CNTROB: variants seen among roughly 807,000 people sequenced by gnomAD.
The protein encoded by CNTROB is centrobin, centriole duplication and spindle assembly protein.
CNTROB carries 82 observed loss-of-function variants against 115.7 expected under a neutral mutation model. That is an observed-to-expected ratio of 0.71 (90% CI 0.59 to 0.85). CNTROB has a LOEUF of 0.85. Among genes scored for constraint, CNTROB ranks in the 40% least tolerant of loss-of-function variants. CNTROB has a pLI of 0.00. For synonymous variants in CNTROB, 439 were observed against 456.4 expected (o/e 0.96, Z 0.49); for missense variants, 1,014 against 1,144.4 (o/e 0.89, Z 1.64).
rs1449714255 is a variant in CNTROB, at chr17:7,947,937, A to C, written c.2167A>C (p.Asn723His). The change falls in exon 15 of 19, where the codon AAC (asparagine) becomes CAC (histidine). Residue 723 changes from asparagine (N) to histidine (H), a missense_variant. Asn to His is a moderately conservative substitution (Grantham distance 68, BLOSUM62 1). Coordinates refer to ENST00000563694, the MANE Select transcript of CNTROB (RefSeq NM_053051.5). ...ACAGTTGCTGGAGACAGTGCCCCAGAACAATGAGAACCCTTCTGTCGACCT... is the reference window on the plus strand; with the variant it reads ...ACAGTTGCTGGAGACAGTGCCCCAGCACAATGAGAACCCTTCTGTCGACCT... Reference protein sequence around the residue: ...LHQLLETVPQNNENPSVDLLP... With the variant: ...LHQLLETVPQHNENPSVDLLP... 6.2e-7 allele frequency: 1 copy of C among 1,614,040 alleles called. No homozygotes were observed. The highest frequency in any genetic ancestry group is 1.1e-5 in the South Asian group (1 of 91,078).
intron 18 of CNTROB, 25 bp downstream of exon 18, chr17:7,949,182 AG>A: frequency 6.2e-7 from 1 of 1,607,226 alleles, no homozygotes; most frequent in Non-Finnish European, 8.5e-7. Context: ...GGCAGGGACC[AG>A]GGGAGAAAAG....
In CNTROB at chr17:7,939,439, T is replaced by G; in HGVS notation, c.928-74T>G. ...AGCATAATTCTCAGCAGGCACCTTGTATGAGGGTCAGAGGGCAGATCGCTG... is the reference window on the plus strand; with the variant it reads ...AGCATAATTCTCAGCAGGCACCTTGGATGAGGGTCAGAGGGCAGATCGCTG... On this transcript the variant is annotated intron_variant, in intron 7 of 18. Coordinates refer to ENST00000563694, the MANE Select transcript of CNTROB (RefSeq NM_053051.5). The surrounding 1 kb of genome is among the most constrained non-coding windows in gnomAD (Gnocchi z 4.4). The G allele has an allele frequency of 1.6e-6, 2 of 1,235,054 alleles. No homozygotes were observed. The highest frequency in any genetic ancestry group is 1.5e-5 in the African/African-American group (1 of 66,954). 76.5% of individuals were successfully genotyped at this position (1,235,054 alleles called of 1,614,324 possible).
At chr17:7,936,537 A>C (rs997107811) in intron 5 of CNTROB, 55 bp downstream of exon 5, 14 of 822,284 alleles carry the variant, frequency 1.7e-5, no homozygotes, top group Non-Finnish European at 3.1e-5. Flanking sequence ...TTAAGGAATA[A>C]TAAATAAGTG....
At chr17:7,934,897 G>C (rs1405463084) in intron 3 of CNTROB, 92 bp from the exon 4 acceptor site, 2 of 1,414,518 alleles carry the variant, frequency 1.4e-6, no homozygotes. Context: ...CCCTCTCTGG[G>C]TCTCAGTTTC....
rs1240368190 is a variant in CNTROB at position 7,948,280 on chromosome 17, C to T, written c.2333C>T (p.Ser778Phe). 2 of 1,614,176 alleles carry T rather than the reference C, an allele frequency of 1.2e-6. No individual in the cohort carries two copies. Among genetic ancestry groups the T allele is most frequent in the Non-Finnish European group, 8.5e-7 (1 of 1,180,040 alleles). The change falls in exon 16 of 19, where the codon TCC (serine) becomes TTC (phenylalanine). Residue 778 changes from serine to phenylalanine, a missense_variant. Ser to Phe is a radical substitution (Grantham distance 155). Coordinates refer to ENST00000563694, the MANE Select transcript of CNTROB (RefSeq NM_053051.5). The surrounding 1 kb of genome is among the most constrained non-coding windows in gnomAD (Gnocchi z 4.4). ...SSLFRVPEPP[S>F]SHSQGSGPSS... The stretch of plus-strand genomic sequence containing the variant: ...CTTTTCCGGGTCCCTGAGCCTCCCT[C>T]CTCCCATTCACAAGGCAGTGGTCCC...
chr17:7,933,693 C>A (rs543880993), intron 1 of CNTROB, among the ~76,000 whole-genome samples: 68 of 152,260 alleles, frequency 4.5e-4, no homozygotes, highest in Middle Eastern at 3.4e-3. Context: ...ATAGCAGCTC[C>A]GATCCTTCCA....
chr17:7,949,328 TG>T (rs1333227369), intron 18 of CNTROB, 56 bp from the exon 19 acceptor site: 2 of 1,605,798 alleles, frequency 1.2e-6, no homozygotes, highest in African/African-American at 2.7e-5. Context: ...CTCAGTGGGG[TG>T]GGGAATTGAG....
chr17:7,939,387 C>T lies in CNTROB; in HGVS notation c.928-126C>T. 2.4e-6 allele frequency: 2 copies of T among 825,388 alleles called. No individual in the cohort carries two copies. The highest frequency in any genetic ancestry group is 4.0e-6 in the Non-Finnish European group (2 of 503,498). The allele number at this position is 825,388 out of a possible 1,614,324, so 51.1% of individuals were successfully genotyped here. The stretch of plus-strand genomic sequence containing the variant: ...GGGATTACAGGTGTGAGCCACCGCA[C>T]CCGGCCTAATTATTGTGTTTTTAAT... On this transcript the variant is annotated intron_variant, in intron 7 of 18. Coordinates refer to ENST00000563694, the MANE Select transcript of CNTROB (RefSeq NM_053051.5). The surrounding 1 kb of genome is among the most constrained non-coding windows in gnomAD (Gnocchi z 4.4).
At chr17:7,937,334 G>A in intron 7 of CNTROB, 72 bp downstream of exon 7, 1 of 1,571,784 alleles carries the variant, frequency 6.4e-7, no homozygotes, top group Non-Finnish European at 8.7e-7. Context: ...GGCTATTGGT[G>A]GATTGTGGGA....
intron 12 of CNTROB, 126 bp from the exon 13 acceptor site, chr17:7,945,602 T>G: frequency 1.0e-6 from 1 of 970,874 alleles, no homozygotes. Flanking sequence ...CCTCCCAAAG[T>G]GTTGGGATTA....
chr17:7,936,824 G>A lies in CNTROB; in HGVS notation c.828+7G>A, dbSNP rs758606094. On this transcript the variant is annotated splice_region_variant and intron_variant, in intron 6 of 18. Coordinates refer to ENST00000563694, the MANE Select transcript of CNTROB (RefSeq NM_053051.5). ...CAGAAGCAAGCAGCAGGAGGTGAGC[G>A]CCCTGGAGCATATGGCATTAGAACC... 22 of 1,083,516 alleles carry A rather than the reference G, an allele frequency of 2.0e-5. No individual in the cohort carries two copies. The highest frequency in any genetic ancestry group is 1.9e-4 in the East Asian group (8 of 42,508). The allele number at this position is 1,083,516 out of a possible 1,614,324, so 67.1% of individuals were successfully genotyped here.
chr17:7,948,190 C>G lies in CNTROB; in HGVS notation c.2243C>G (p.Pro748Arg). ...ACTGTCCCATCTTGGGAGGAAGCCCCTCAAGTGCCACGTATTCCACCGCCT... is the reference window on the plus strand; with the variant it reads ...ACTGTCCCATCTTGGGAGGAAGCCCGTCAAGTGCCACGTATTCCACCGCCT... ...PLTVPSWEEA[P>R]QVPRIPPPVH... Residue 748 changes from proline (P) to arginine (R), a missense_variant, in exon 16 of 19, where the codon CCT (proline) becomes CGT (arginine). By Grantham distance (103) the Pro-to-Arg change is moderately radical. Transcript: ENST00000563694. This position sits in a 1 kb window ranked among gnomAD's most constrained non-coding sequence, Gnocchi z 4.4. The G allele has an allele frequency of 6.2e-7, 1 of 1,614,110 alleles. No homozygotes were observed. Among genetic ancestry groups the G allele is most frequent in the Non-Finnish European group, 8.5e-7 (1 of 1,180,038 alleles).
At chr17:7,933,614 G>C (rs1972788752) in intron 1 of CNTROB, among the ~76,000 whole-genome samples, 1 of 152,194 alleles carries the variant, frequency 6.6e-6, no homozygotes, top group Non-Finnish European at 1.5e-5. Context: ...GGGTAGGTTG[G>C]TGAGCTATTT....
In CNTROB at chr17:7,937,164, A is replaced by G; in HGVS notation, c.829A>G (p.Thr277Ala). Residue 277 changes from threonine to alanine, a missense_variant and splice_region_variant, in exon 7 of 19, where the codon ACA (threonine) becomes GCA (alanine). Thr to Ala is a moderately conservative substitution (Grantham distance 58). Coordinates refer to ENST00000563694, the MANE Select transcript of CNTROB (RefSeq NM_053051.5). ...AELTRSKQQE[T>A]VTRLEQSLSE... ...CCCTGTATTCCTCTCTTCCTGAAAGACAGTAACCCGCCTGGAACAAAGCCT... is the reference window on the plus strand; with the variant it reads ...CCCTGTATTCCTCTCTTCCTGAAAGGCAGTAACCCGCCTGGAACAAAGCCT... 1 of 1,614,180 alleles carries G rather than the reference A, an allele frequency of 6.2e-7. No individual in the cohort carries two copies. Among genetic ancestry groups the G allele is most frequent in the African/African-American group, 1.3e-5 (1 of 75,056 alleles).
chr17:7,941,421 G>A (rs914819618), intron 9 of CNTROB, among the ~76,000 whole-genome samples: 10 of 151,818 alleles, frequency 6.6e-5, no homozygotes, highest in African/African-American at 2.2e-4. Flanking sequence ...CCAACATGGT[G>A]AAACCCTGTC....
At chr17:7,949,053 C>T in intron 17 of CNTROB, 32 bp from the exon 18 acceptor site, 1 of 1,613,392 alleles carries the variant, frequency 6.2e-7, no homozygotes, top group Non-Finnish European at 8.5e-7. Context: ...GGACGGAGAT[C>T]CCCATCCTCA....
intron 18 of CNTROB, 77 bp downstream of exon 18, chr17:7,949,234 G>A (rs543843976): frequency 6.4e-7 from 1 of 1,564,828 alleles, no homozygotes. Context: ...CACACTCCTG[G>A]CTGGCCCCTC....
In CNTROB at chr17:7,939,853, A is replaced by T. The variant is rs1434854003; in HGVS notation, c.1164+104A>T. On this transcript the variant is annotated intron_variant, in intron 8 of 18. Transcript: ENST00000563694. This position sits in a 1 kb window ranked among gnomAD's most constrained non-coding sequence, Gnocchi z 4.4. The stretch of plus-strand genomic sequence containing the variant: ...AATATGGGGGATACATATAGGCAGG[A>T]ATGGAGAGTAGAGAGCCATGTGTGG... 2 of 1,205,390 alleles carry T rather than the reference A, an allele frequency of 1.7e-6. No homozygotes were observed. The highest frequency in any genetic ancestry group is 2.4e-6 in the Non-Finnish European group (2 of 834,160). 74.7% of individuals were successfully genotyped at this position (1,205,390 alleles called of 1,614,324 possible).
rs772953824 is a variant in CNTROB, at chr17:7,945,755, G to C, written c.1762G>C (p.Gly588Arg). The C allele has an allele frequency of 2.4e-5, 38 of 1,614,012 alleles. No homozygotes were observed. The highest frequency in any genetic ancestry group is 3.1e-5 in the Non-Finnish European group (37 of 1,180,034). ...TCCTCCTGCTGGACCCTCCAGCCCC[G>C]GGCCTCAGGAGCCCGAGAAGGAGGA... ...PAPPAGPSSP[G>R]PQEPEKEERR... is the part of the protein sequence containing the mutation. Residue 588 changes from glycine (G) to arginine (R), a missense_variant, in exon 13 of 19, where the codon GGG (glycine) becomes CGG (arginine). Transcript: ENST00000563694.
Sources: allele counts gnomAD v4.1 joint callset (sites outside exome capture counted in the v4.1 genomes callset), GRCh38; gene constraint gnomAD v4.1.1; non-coding constraint Gnocchi (gnomAD v3.1); transcripts MANE v1.5; gene names NCBI Gene and HGNC (gene_info 2026-07-23, HGNC 2026-07-21).